The following SLC1A3 variants were observed in gnomAD, a reference collection of about 807,000 sequenced individuals.
SLC1A3 encodes the protein excitatory amino acid transporter 1.
Under a neutral mutation model 48.1 loss-of-function variants are expected in SLC1A3, and 21 were observed. That is an observed-to-expected ratio of 0.44 (90% CI 0.31 to 0.63). The LOEUF (loss-of-function observed/expected upper bound fraction) is 0.63, where lower values mean the gene tolerates loss of function less well. Among genes scored for constraint, SLC1A3 ranks in the 20% least tolerant of loss-of-function variants. SLC1A3 has a pLI of 0.08. For missense variants in SLC1A3, 546 were observed against 689.0 expected (o/e 0.79, Z 2.32); for synonymous variants, 239 against 251.4 (o/e 0.95, Z 0.47).
intron 3 of SLC1A3, among the ~76,000 whole-genome samples, chr5:36,658,712 A>G (rs1384291511): frequency 6.6e-6 from 1 of 152,164 alleles, no homozygotes; most frequent in Non-Finnish European, 1.5e-5. Flanking sequence ...GGTAACTGAC[A>G]CTCTAAACAG....
intron 2 of SLC1A3, among the ~76,000 whole-genome samples, chr5:36,609,594 T>C (rs927149235): frequency 6.6e-6 from 1 of 152,216 alleles, no homozygotes; most frequent in African/African-American, 2.4e-5. Flanking sequence ...AATATAACTT[T>C]TTTCAAGAAA....
chr5:36,637,594 A>C (rs1423070741), intron 3 of SLC1A3, among the ~76,000 whole-genome samples: 1 of 152,228 alleles, frequency 6.6e-6, no homozygotes, highest in Non-Finnish European at 1.5e-5. Context: ...TCCACCCTTA[A>C]ATTATCAACT....
intron 3 of SLC1A3, chr5:36,668,994 G>C (rs1483372641): frequency 1.3e-5 from 2 of 152,150 alleles, no homozygotes; most frequent in African/African-American, 4.8e-5. Context: ...AAGAGTTGGC[G>C]TGAGAACGGA....
In SLC1A3 at chr5:36,636,463, T is replaced by TTTCTTTCTTTC. The variant is rs1554041157; in HGVS notation, c.319+6878_319+6879insCTTTCTTTCTT. On this transcript the variant is annotated intron_variant, in intron 3 of 9. Coordinates refer to ENST00000265113, the MANE Select transcript of SLC1A3 (RefSeq NM_004172.5). ...TCTTTTCTTTTTCTTTCTTTCTTTC[T>TTTCTTTCTTTC]TTTCTTTCTTTCTTTCTTTCTTTCT... 15 of 68,604 alleles carry TTTCTTTCTTTC rather than the reference T, an allele frequency of 2.2e-4. No homozygotes were observed. In the South Asian group the frequency reaches 7.3e-3, roughly 33 times the overall value. The allele number at this position is 68,604 out of a possible 1,614,324, so 4.2% of individuals were successfully genotyped here. A position where few individuals can be genotyped will look rare whatever the true frequency, so the allele number is the denominator to read the frequency against.
At chr5:36,597,499 C>T (rs960257223) in intron 1 of SLC1A3, among the ~76,000 whole-genome samples, 1 of 152,028 alleles carries the variant, frequency 6.6e-6, no homozygotes, top group Non-Finnish European at 1.5e-5. Context: ...GCCTCGGCCT[C>T]CCAAAGTGCT....
intron 3 of SLC1A3, among the ~76,000 whole-genome samples, chr5:36,659,265 G>T (rs938348419): frequency 1.3e-5 from 2 of 152,156 alleles, no homozygotes; most frequent in Non-Finnish European, 2.9e-5. Context: ...ATCCATAAAT[G>T]CAGAGTGACC....
intron 3 of SLC1A3, among the ~76,000 whole-genome samples, chr5:36,648,242 C>T (rs1740913519): frequency 6.6e-6 from 1 of 151,980 alleles, no homozygotes; most frequent in Non-Finnish European, 1.5e-5. Context: ...ATTTTTTTAC[C>T]TATAGGCAAG....
At chr5:36,669,851 G>C (rs1022089405) in intron 3 of SLC1A3, 2 of 151,450 alleles carry the variant, frequency 1.3e-5, no homozygotes, top group African/African-American at 4.9e-5. Context: ...ATGTTCATGT[G>C]AACAGGGCCA....
intron 2 of SLC1A3, among the ~76,000 whole-genome samples, chr5:36,610,855 A>G (rs1344709712): frequency 6.6e-6 from 1 of 152,198 alleles, no homozygotes; most frequent in East Asian, 1.9e-4. Context: ...ATGGAAACTG[A>G]GGAGGCAGAA....
Position 36,608,367 on chromosome 5 carries a change from G to A in SLC1A3, c.-57G>A. On this transcript the variant is annotated 5_prime_UTR_variant, in exon 2 of 10. It adds an upstream start codon to the 5' untranslated region. Coordinates refer to ENST00000265113, the MANE Select transcript of SLC1A3 (RefSeq NM_004172.5). ...TACCAAAGAGGAGGTTTGGCTTTCT[G>A]TGGGTGATTCCCAGACACTGAAGTG... is the stretch of plus-strand genomic sequence containing the variant. 3 of 1,548,236 alleles carry A rather than the reference G, an allele frequency of 1.9e-6. No individual in the cohort carries two copies. Among genetic ancestry groups the A allele is most frequent in the Non-Finnish European group, 1.8e-6 (2 of 1,122,866 alleles).
intron 2 of SLC1A3, among the ~76,000 whole-genome samples, chr5:36,613,918 A>G (rs1469436737): frequency 1.3e-5 from 2 of 152,194 alleles, no homozygotes; most frequent in Non-Finnish European, 2.9e-5. Context: ...TGTCAGGGCT[A>G]GTGATAACAC....
chr5:36,655,150 T>A (rs1741237520), intron 3 of SLC1A3, among the ~76,000 whole-genome samples: 1 of 152,210 alleles, frequency 6.6e-6, no homozygotes, highest in Non-Finnish European at 1.5e-5. Context: ...GTGGTCTATG[T>A]GAATCTATAG....
intron 3 of SLC1A3, among the ~76,000 whole-genome samples, chr5:36,631,733 A>G (rs1039164356): frequency 6.6e-6 from 1 of 152,202 alleles, no homozygotes; most frequent in African/African-American, 2.4e-5. Context: ...TCCAAACTAC[A>G]CAGTAATTTA....
rs185790186 is a variant in SLC1A3 at position 36,651,050 on chromosome 5, C to T, written c.320-19979C>T. On this transcript the variant is annotated intron_variant, in intron 3 of 9. Coordinates refer to ENST00000265113, the MANE Select transcript of SLC1A3 (RefSeq NM_004172.5). ...ATGAAGATGGTGAGTGCATGCAGAA[C>T]AAATGTATTCCTGGTAAAAGAACAT... Among the ~76,000 whole-genome samples, 576 of 133,588 alleles carry T rather than the reference C, an allele frequency of 4.3e-3. 4 individuals carry two copies. Among genetic ancestry groups the T allele is most frequent in the African/African-American group, 0.016 (560 of 34,458 alleles). 87.6% of individuals were successfully genotyped at this position (133,588 alleles called of 152,430 possible). A position where few individuals can be genotyped will look rare whatever the true frequency, so the allele number is the denominator to read the frequency against.
At chr5:36,676,680 A>G (rs751636482) in intron 5 of SLC1A3, among the ~76,000 whole-genome samples, 9 of 151,660 alleles carry the variant, frequency 5.9e-5, no homozygotes, top group Non-Finnish European at 1.0e-4. Context: ...CATGATTTGT[A>G]TGTATTTCAG....
intron 9 of SLC1A3, 115 bp downstream of exon 9, chr5:36,684,113 C>T (rs967930810): frequency 9.9e-6 from 13 of 1,315,378 alleles, no homozygotes; most frequent in African/African-American, 2.9e-5. Context: ...AGGGGCCTCT[C>T]GGCCCATAGT....
chr5:36,643,372 A>G (rs1247634230), intron 3 of SLC1A3, among the ~76,000 whole-genome samples: 2 of 152,188 alleles, frequency 1.3e-5, no homozygotes, highest in Non-Finnish European at 2.9e-5. Flanking sequence ...TGGGTATTAA[A>G]TGCTGTCTCA....
chr5:36,675,243 TTC>T (rs1172213070), intron 5 of SLC1A3, among the ~76,000 whole-genome samples: 3 of 121,484 alleles, frequency 2.5e-5, no homozygotes, highest in Admixed American at 1.8e-4. Context: ...TCAAACCAAA[TTC>T]TTTCTTTAAA....
chr5:36,618,504 T>C (rs780649303), intron 2 of SLC1A3, among the ~76,000 whole-genome samples: 2 of 152,140 alleles, frequency 1.3e-5, no homozygotes, highest in Non-Finnish European at 2.9e-5. Flanking sequence ...TGTCCACAAA[T>C]AATTCCCCAG....
Sources: allele counts gnomAD v4.1 joint callset (sites outside exome capture counted in the v4.1 genomes callset), GRCh38; gene constraint gnomAD v4.1.1; transcripts MANE v1.5; gene names NCBI Gene and HGNC (gene_info 2026-07-23, HGNC 2026-07-21).